PDE4D: variants seen among roughly 807,000 people sequenced by gnomAD.
PDE4D encodes phosphodiesterase 4D, also known as 3',5'-cyclic-AMP phosphodiesterase 4D.
A neutral mutation model predicts 87.4 loss-of-function variants in PDE4D; 24 were observed. The ratio of observed to expected loss-of-function variants is 0.27; its 90% CI spans 0.20 to 0.39. PDE4D has a LOEUF of 0.39. PDE4D is among the 10% of genes least tolerant of loss of function. PDE4D has a pLI of 1.00. For missense variants in PDE4D, 714 were observed against 1,041.0 expected, an observed-to-expected ratio of 0.69 and a Z score of 4.32; for synonymous variants, 384 against 383.2, an observed-to-expected ratio of 1.00 and a Z score of -0.02.
intron 3 of PDE4D, among the ~76,000 whole-genome samples, chr5:59,925,662 GGATA>G (rs1336917869): frequency 6.6e-6 from 1 of 151,892 alleles, no homozygotes; most frequent in Non-Finnish European, 1.5e-5. Flanking sequence ...GAAAATAAAG[GGATA>G]GATAAATATA....
intron 2 of PDE4D, among the ~76,000 whole-genome samples, chr5:60,144,501 G>A (rs1429936746): frequency 6.6e-6 from 1 of 152,212 alleles, no homozygotes; most frequent in Non-Finnish European, 1.5e-5. Context: ...ACAGCAGTAA[G>A]ATGATCTCTA....
At chr5:59,165,493 C>G (rs1014027642) in intron 5 of PDE4D, among the ~76,000 whole-genome samples, 10 of 152,176 alleles carry the variant, frequency 6.6e-5, no homozygotes, top group Non-Finnish European at 1.2e-4. Context: ...CCAGGCTGGT[C>G]TCAAACTCCT....
intron 1 of PDE4D, among the ~76,000 whole-genome samples, chr5:59,402,903 T>C (rs1790924624): frequency 6.6e-6 from 1 of 152,144 alleles, no homozygotes; most frequent in African/African-American, 2.4e-5. Context: ...ATATAACAAT[T>C]ATTGGCTAAA....
In PDE4D at chr5:60,513,272, A is replaced by T. The variant is rs142712825; in HGVS notation, n.70+8779T>A. ...AATAGAAAGAGGTCGCTATGCAGGC[A>T]CTACCCCAGAATAAAGCTGAAGTAG... On this transcript the variant is annotated intron_variant and non_coding_transcript_variant, in intron 1 of 2. Transcript: ENST00000506510. Among the ~76,000 whole-genome samples, 10 of 152,300 alleles carry T rather than the reference A, an allele frequency of 6.6e-5. No homozygotes were observed. In the East Asian group the frequency reaches 1.9e-3, roughly 29 times the overall value.
At chr5:60,231,278 G>C (rs572425761) in intron 1 of PDE4D, among the ~76,000 whole-genome samples, 9 of 152,064 alleles carry the variant, frequency 5.9e-5, no homozygotes, top group African/African-American at 2.2e-4. Flanking sequence ...CATATGACCT[G>C]CATCAGTCTT....
chr5:60,312,388 T>G lies in PDE4D; in HGVS notation c.-89-126701A>C, dbSNP rs187250855. ...TTAATGAAAATAGAAATCAGTAGTA[T>G]TAGTTTATTCTCACACAGCTATGAA... On this transcript the variant is annotated intron_variant, in intron 1 of 16. Transcript: ENST00000502484. Among the ~76,000 whole-genome samples the G allele has an allele frequency of 4.1e-4, 62 of 152,224 alleles. 2 individuals carry two copies. Among genetic ancestry groups the G allele is most frequent in the Admixed American group, 1.2e-3 (18 of 15,294 alleles).
chr5:59,304,202 C>T (rs1317875269), intron 1 of PDE4D, among the ~76,000 whole-genome samples: 1 of 151,906 alleles, frequency 6.6e-6, no homozygotes, highest in East Asian at 1.9e-4. Flanking sequence ...CCCTTGGTCA[C>T]TGTTGGTATA....
At chr5:59,238,970 T>G (rs566197449) in intron 1 of PDE4D, among the ~76,000 whole-genome samples, 36 of 152,292 alleles carry the variant, frequency 2.4e-4, no homozygotes, top group African/African-American at 8.2e-4. Flanking sequence ...AAGGTTTTCT[T>G]TGGAATGGTG....
At chr5:60,486,354 T>C (rs1749140175) in intron 1 of PDE4D, among the ~76,000 whole-genome samples, 1 of 152,230 alleles carries the variant, frequency 6.6e-6, no homozygotes, top group African/African-American at 2.4e-5. Flanking sequence ...ATAAATGAAC[T>C]CATTATACTG....
chr5:59,761,485 CATT>C (rs1400705568), intron 1 of PDE4D, among the ~76,000 whole-genome samples: 1 of 152,088 alleles, frequency 6.6e-6, no homozygotes, highest in Non-Finnish European at 1.5e-5. Flanking sequence ...GAAACACTAA[CATT>C]ATACAGCTGC....
At chr5:59,930,577 C>T (rs1201527214) in intron 3 of PDE4D, among the ~76,000 whole-genome samples, 1 of 152,156 alleles carries the variant, frequency 6.6e-6, no homozygotes, top group Non-Finnish European at 1.5e-5. Flanking sequence ...GAATAAATTT[C>T]TGTTGTTTTA....
At chr5:59,924,713 G>A (rs1287797329) in intron 3 of PDE4D, among the ~76,000 whole-genome samples, 1 of 152,018 alleles carries the variant, frequency 6.6e-6, no homozygotes, top group Non-Finnish European at 1.5e-5. Context: ...AAATGCTAAA[G>A]GGATTTCTTA....
At chr5:60,382,070 A>G (rs1377392033) in intron 1 of PDE4D, among the ~76,000 whole-genome samples, 1 of 152,212 alleles carries the variant, frequency 6.6e-6, no homozygotes, top group Non-Finnish European at 1.5e-5. Context: ...ACTAAATAAC[A>G]TTTTAAAATC....
chr5:60,182,907 A>ACTC (rs963681565), intron 2 of PDE4D, among the ~76,000 whole-genome samples: 2 of 151,680 alleles, frequency 1.3e-5, no homozygotes, highest in Non-Finnish European at 2.9e-5. Flanking sequence ...AGAATATCAA[A>ACTC]CTCTCTTATG....
rs1244083903 is a variant in PDE4D, at chr5:59,916,854, C to T, written c.272+71634G>A. Among the ~76,000 whole-genome samples the T allele has an allele frequency of 2.0e-5, 3 of 151,304 alleles. No homozygotes were observed. The East Asian group carries it at 5.8e-4, about 29-fold the overall frequency. Reference sequence around the variant, plus strand: ...CCAGGCTGGAGTGCAATGGTGCAATCTCACCTCACTGCAACCTCCACCTCC... The same window carrying T: ...CCAGGCTGGAGTGCAATGGTGCAATTTCACCTCACTGCAACCTCCACCTCC... On this transcript the variant is annotated intron_variant, in intron 3 of 16. Coordinates refer to the PDE4D transcript ENST00000502484.
intron 1 of PDE4D, among the ~76,000 whole-genome samples, chr5:59,598,181 T>C (rs1307576086): frequency 6.6e-6 from 1 of 152,172 alleles, no homozygotes; most frequent in African/African-American, 2.4e-5. Flanking sequence ...TTATCTGTTG[T>C]TTTTAGTTCC....
At chr5:59,189,508 A>G (rs10045879) in intron 3 of PDE4D, among the ~76,000 whole-genome samples, 87,659 of 151,820 alleles carry the variant, frequency 0.58, 25,621 homozygotes, top group Middle Eastern at 0.62. Flanking sequence ...TTCCACATGA[A>G]AATTCTAGTC....
chr5:59,428,703 C>T (rs921067630), intron 1 of PDE4D, among the ~76,000 whole-genome samples: 5 of 152,064 alleles, frequency 3.3e-5, no homozygotes, highest in African/African-American at 9.7e-5. Flanking sequence ...AAAAGACAAC[C>T]TCTATGATTT....
chr5:59,244,680 C>T (rs377033211), intron 1 of PDE4D, among the ~76,000 whole-genome samples: 1 of 120,054 alleles, frequency 8.3e-6, no homozygotes, highest in Admixed American at 8.8e-5. Flanking sequence ...GTGTGTGTGT[C>T]TGTGTGTGTG....
Sources: gnomAD v4.1 joint callset for allele counts (sites outside exome capture counted in the v4.1 genomes callset) on GRCh38, gnomAD v4.1.1 for gene constraint, MANE v1.5 for transcripts, NCBI Gene and HGNC (gene_info 2026-07-23, HGNC 2026-07-21) for gene names.